The following TASP1 variants were observed in gnomAD, a reference collection of about 807,000 sequenced individuals.
The protein encoded by TASP1 is taspase 1.
TASP1 carries 16 observed loss-of-function variants against 56.6 expected under a neutral mutation model. That is an observed-to-expected ratio of 0.28 (90% CI 0.19 to 0.43). TASP1 has a LOEUF of 0.43. Ranked by LOEUF, TASP1 falls within the 20% of genes least tolerant of loss-of-function variation. The probability of loss-of-function intolerance (pLI) is 1.00; values close to 1 mark genes in which losing one functional copy is unlikely to be tolerated. For missense variants in TASP1, 393 were observed against 511.6 expected (o/e 0.77, Z 2.24); for synonymous variants, 179 against 184.2 (o/e 0.97, Z 0.23).
the TASP1 span, chr20:13,167,301 G>A: frequency 6.7e-6 from 1 of 148,766 alleles, no homozygotes; most frequent in African/African-American, 2.5e-5. Context: ...ATTGAGTCTT[G>A]ATAATTATAT....
the TASP1 span, chr20:13,279,926 T>C: frequency 1.2e-6 from 2 of 1,603,328 alleles, no homozygotes; most frequent in South Asian, 1.1e-5. Flanking sequence ...TAATATAAAA[T>C]TGGTGGGAAG....
At chr20:13,244,569 T>G in the TASP1 span, among the ~76,000 whole-genome samples, 19 of 152,292 alleles carry the variant, frequency 1.2e-4, no homozygotes, top group African/African-American at 4.3e-4. Context: ...AAAAACATAT[T>G]AAAGATACTT....
intron 1 of TASP1, among the ~76,000 whole-genome samples, chr20:13,638,432 CCCT>C (rs1167572141): frequency 5.9e-5 from 9 of 152,024 alleles, no homozygotes; most frequent in East Asian, 5.8e-4. Context: ...CTCCTCCTCC[CCCT>C]GAGTAGTAAG....
intron 12 of TASP1, among the ~76,000 whole-genome samples, chr20:13,421,238 C>T (rs2146091843): frequency 6.6e-6 from 1 of 151,024 alleles, no homozygotes; most frequent in African/African-American, 2.4e-5. Context: ...TCCTGCCTGG[C>T]TAATTTTTGT....
At chr20:13,635,536 C>G (rs2049273625) in intron 1 of TASP1, among the ~76,000 whole-genome samples, 1 of 152,046 alleles carries the variant, frequency 6.6e-6, no homozygotes. Context: ...TAAAGGCACG[C>G]ACCCCCATGC....
At chr20:13,183,753 G>C in the TASP1 span, among the ~76,000 whole-genome samples, 1 of 152,168 alleles carries the variant, frequency 6.6e-6, no homozygotes, top group African/African-American at 2.4e-5. Context: ...TAGTGGACCG[G>C]GCGTGGTGGC....
intron 4 of TASP1, among the ~76,000 whole-genome samples, chr20:13,608,298 A>C (rs2048230798): frequency 6.6e-6 from 1 of 151,796 alleles, no homozygotes; most frequent in East Asian, 1.9e-4. Context: ...CATTTGGGGA[A>C]TTTTTTTTTG....
At chr20:13,490,183 AG>A (rs2043471783) in intron 10 of TASP1, among the ~76,000 whole-genome samples, 1 of 152,190 alleles carries the variant, frequency 6.6e-6, no homozygotes, top group Non-Finnish European at 1.5e-5. Context: ...TGACTTTTTT[AG>A]GGGGGAAACC....
At chr20:13,351,658 T>C in the TASP1 span, among the ~76,000 whole-genome samples, 491 of 152,274 alleles carry the variant, frequency 3.2e-3, 1 homozygote, top group East Asian at 0.01. Context: ...AGGAGTAGCA[T>C]TGTGGAATTT....
At chr20:13,159,749 T>G in the TASP1 span, among the ~76,000 whole-genome samples, 2 of 152,152 alleles carry the variant, frequency 1.3e-5, no homozygotes, top group African/African-American at 4.8e-5. Flanking sequence ...ATATCCACAA[T>G]TATCTAATGA....
chr20:13,443,409 C>T (rs112331237), intron 11 of TASP1, among the ~76,000 whole-genome samples: 5,667 of 152,194 alleles, frequency 0.037, 131 homozygotes, highest in African/African-American at 0.058. Context: ...TAAATTAAGA[C>T]AATCTTAAAT....
chr20:13,565,258 A>C (rs1246303810), intron 7 of TASP1, among the ~76,000 whole-genome samples: 1 of 152,142 alleles, frequency 6.6e-6, no homozygotes, highest in Non-Finnish European at 1.5e-5. Flanking sequence ...TGGATCAAAG[A>C]CCTAAGTGTA....
chr20:13,132,461 G>A, the TASP1 span, among the ~76,000 whole-genome samples: 1 of 152,086 alleles, frequency 6.6e-6, no homozygotes, highest in African/African-American at 2.4e-5. Context: ...ACAGGCGTGA[G>A]GACCGCACCC....
intron 13 of TASP1, among the ~76,000 whole-genome samples, chr20:13,396,753 C>A (rs1377387551): frequency 6.6e-6 from 1 of 152,178 alleles, no homozygotes; most frequent in African/African-American, 2.4e-5. Context: ...ATTTATCTTA[C>A]TGTGTGTCGC....
At chr20:13,163,146 TGACCTGAGGTCAGGAGTTCGA>T in the TASP1 span, among the ~76,000 whole-genome samples, 15 of 152,098 alleles carry the variant, frequency 9.9e-5, no homozygotes, top group Admixed American at 7.2e-4. Flanking sequence ...GGTGGGCGGA[TGACCTGAGGTCAGGAGTTCGA>T]GACCAGCCTG....
intron 10 of TASP1, among the ~76,000 whole-genome samples, chr20:13,508,323 GGA>G (rs1491091834): frequency 6.6e-6 from 1 of 151,842 alleles, no homozygotes; most frequent in African/African-American, 2.4e-5. Context: ...CCATTGAATG[GGA>G]AAAAATATTT....
At chr20:13,125,964 C>T in the TASP1 span, among the ~76,000 whole-genome samples, 9 of 152,210 alleles carry the variant, frequency 5.9e-5, no homozygotes, top group African/African-American at 2.2e-4. Context: ...TACATGCCTT[C>T]TGCTTTCTTG....
the TASP1 span, among the ~76,000 whole-genome samples, chr20:13,123,138 C>A: frequency 1.3e-5 from 2 of 152,134 alleles, no homozygotes; most frequent in Non-Finnish European, 2.9e-5. Flanking sequence ...CGAGACCAGC[C>A]TGGCCAACAT....
chr20:13,118,287 C>T, the TASP1 span, among the ~76,000 whole-genome samples: 1 of 150,956 alleles, frequency 6.6e-6, no homozygotes, highest in Admixed American at 6.6e-5. Flanking sequence ...ATATTCTCTG[C>T]AAAAAAAATT....
Sources: allele counts gnomAD v4.1 joint callset (sites outside exome capture counted in the v4.1 genomes callset), GRCh38; gene constraint gnomAD v4.1.1; transcripts MANE v1.5; gene names NCBI Gene and HGNC (gene_info 2026-07-23, HGNC 2026-07-21).